KY: variants seen among roughly 807,000 people sequenced by gnomAD.
The protein encoded by KY is kyphoscoliosis peptidase.
A neutral mutation model predicts 76.1 loss-of-function variants in KY; 43 were observed. The observed-to-expected ratio is 0.57, with a 90% CI of 0.44 to 0.73. The LOEUF (loss-of-function observed/expected upper bound fraction) is 0.73. KY is among the 30% of genes least tolerant of loss of function. The pLI, the probability that KY is intolerant of heterozygous loss-of-function variation, is 0.00. For synonymous variants in KY, 277 were observed against 326.2 expected, an observed-to-expected ratio of 0.85 and a Z score of 1.63; for missense variants, 722 against 828.9, an observed-to-expected ratio of 0.87 and a Z score of 1.58.
chr3:134,604,806 G>T (rs779733590), intron 10 of KY, among the ~76,000 whole-genome samples: 1 of 152,164 alleles, frequency 6.6e-6, no homozygotes, highest in African/African-American at 2.4e-5. Flanking sequence ...ATTAGATGAA[G>T]GTTGCCTGTG....
At chr3:134,630,592 T>C in intron 3 of KY, among the ~76,000 whole-genome samples, 1 of 152,206 alleles carries the variant, frequency 6.6e-6, no homozygotes, top group East Asian at 1.9e-4. Flanking sequence ...ACCTCTGAAC[T>C]GTGCATGCAT....
chr3:134,614,922 G>A (rs1237678460), intron 8 of KY, among the ~76,000 whole-genome samples: 1 of 152,122 alleles, frequency 6.6e-6, no homozygotes, highest in Non-Finnish European at 1.5e-5. Context: ...TGAGCCAAGT[G>A]AGGGAAAAAG....
In KY at chr3:134,608,787, A is replaced by G; in HGVS notation, c.952T>C (p.Phe318Leu). 6.2e-7 allele frequency: 1 copy of G among 1,613,986 alleles called. No homozygotes were observed. Among genetic ancestry groups the G allele is most frequent in the Non-Finnish European group, 8.5e-7 (1 of 1,179,876 alleles). The change falls in exon 10 of 11, where the codon TTC (phenylalanine) becomes CTC (leucine). Residue 318 changes from phenylalanine to leucine, a missense_variant. By Grantham distance (22) the Phe-to-Leu change is conservative. This residue lies in a region of KY where 552 missense variants were observed against 680.9 expected (regional missense o/e 0.81). Coordinates refer to ENST00000423778, the MANE Select transcript of KY (RefSeq NM_178554.6). ...AGCTGCCAGTTCTTGTTGTCTGGGA[A>G]GTGGTCCTCGATGAACAGTGCAGGG... Reference protein sequence around the residue: ...THPALFIEDHFPDNKNWQLLK... With the variant: ...THPALFIEDHLPDNKNWQLLK...
chr3:134,640,252 C>G (rs993024270), intron 3 of KY, among the ~76,000 whole-genome samples: 1 of 152,098 alleles, frequency 6.6e-6, no homozygotes, highest in East Asian at 1.9e-4. Flanking sequence ...AAATCAACAC[C>G]ACCAGATTGG....
Position 134,629,698 on chromosome 3 carries a change from A to G in KY, c.263-3T>C, listed in dbSNP as rs777981227. 1.5e-5 allele frequency: 24 copies of G among 1,582,496 alleles called. No individual in the cohort carries two copies. The African/African-American group carries it at 2.8e-4, about 19-fold the overall frequency. ...GACTTCCACAGTCAGTTGTGTCCCT[A>G]CAAAGGAAAAGGAGATGACATTCTC... On this transcript the variant is annotated splice_polypyrimidine_tract_variant and splice_region_variant and intron_variant, in intron 3 of 10. Coordinates refer to ENST00000423778, the MANE Select transcript of KY (RefSeq NM_178554.6).
intron 10 of KY, chr3:134,606,911 C>T: frequency 4.1e-6 from 4 of 985,154 alleles, no homozygotes; most frequent in Non-Finnish European, 4.8e-6. Context: ...CCCTTCCTTT[C>T]TGCTCATCTC....
At chr3:134,624,364 A>G (rs1963130123) in intron 6 of KY, among the ~76,000 whole-genome samples, 1 of 152,084 alleles carries the variant, frequency 6.6e-6, no homozygotes, top group South Asian at 2.1e-4. Context: ...TGATCCATGC[A>G]CTCACCATCC....
chr3:134,632,181 C>A (rs116509654), intron 3 of KY, among the ~76,000 whole-genome samples: 1 of 151,992 alleles, frequency 6.6e-6, no homozygotes, highest in African/African-American at 2.4e-5. Flanking sequence ...GAGATTTTAA[C>A]ACTAATCTTT....
intron 3 of KY, among the ~76,000 whole-genome samples, 166 bp downstream of exon 3, chr3:134,643,150 T>G (rs536328039): frequency 1.3e-4 from 19 of 151,598 alleles, no homozygotes; most frequent in Non-Finnish European, 2.5e-4. Flanking sequence ...TCTTGCTGCT[T>G]CCCATGAGAC....
Position 134,619,144 on chromosome 3 carries a change from G to A in KY, c.710+4C>T, listed in dbSNP as rs202115421. 147 of 1,611,154 alleles carry A rather than the reference G, an allele frequency of 9.1e-5. 1 individual carries two copies. Among genetic ancestry groups the A allele is most frequent in the South Asian group, 2.2e-4 (20 of 91,006 alleles). ...GTCAGCATGGGGACTCCTGTCTCTC[G>A]TACCTGCACATTCTCTCGAAGAGGC... On this transcript the variant is annotated splice_donor_region_variant and intron_variant, in intron 8 of 10. Coordinates refer to ENST00000423778, the MANE Select transcript of KY (RefSeq NM_178554.6).
chr3:134,648,360 AG>A (rs1966690025), intron 1 of KY, among the ~76,000 whole-genome samples: 1 of 152,134 alleles, frequency 6.6e-6, no homozygotes. Context: ...AGCCCCCCAT[AG>A]CCAGTGCCAG....
At chr3:134,610,083 C>T (rs1031658521) in intron 9 of KY, 112 bp downstream of exon 9, 12 of 1,196,490 alleles carry the variant, frequency 1.0e-5, no homozygotes, top group Non-Finnish European at 1.3e-5. Context: ...ATGGGGCCTC[C>T]TGGCTCTCCT....
At chr3:134,605,878 C>A (rs1017586457) in intron 10 of KY, among the ~76,000 whole-genome samples, 4 of 152,198 alleles carry the variant, frequency 2.6e-5, no homozygotes, top group African/African-American at 9.6e-5. Context: ...ACTCTCTGAG[C>A]ACTGCTTAAC....
chr3:134,610,738 A>G (rs561942764), intron 8 of KY: 11 of 196,454 alleles, frequency 5.6e-5, no homozygotes, highest in African/African-American at 2.1e-4. Context: ...GGCAAGCGTG[A>G]GGCTGGCTTC....
chr3:134,607,861 A>C (rs1959515715), intron 10 of KY: 6 of 989,146 alleles, frequency 6.1e-6, no homozygotes, highest in Middle Eastern at 5.2e-4. Context: ...AGGGAGGGGT[A>C]CTGAGCCAGC....
intron 3 of KY, among the ~76,000 whole-genome samples, chr3:134,639,473 A>T (rs1310031942): frequency 6.6e-6 from 1 of 152,220 alleles, no homozygotes; most frequent in Non-Finnish European, 1.5e-5. Flanking sequence ...CGGAAAACAA[A>T]GGACCATTCA....
intron 8 of KY, among the ~76,000 whole-genome samples, chr3:134,611,945 C>T (rs1960546625): frequency 1.3e-5 from 2 of 152,250 alleles, no homozygotes; most frequent in African/African-American, 4.8e-5. Context: ...TAATACATAT[C>T]ACTTGCTGAG....
rs548918852 is a variant in KY, at chr3:134,627,937, C to T, written c.338-119G>A. The stretch of plus-strand genomic sequence containing the variant: ...CCCCTCCTCTTTACTCTCCTTTTCA[C>T]AGTCTCCTTGTTCCCACCCCACTGA... On this transcript the variant is annotated intron_variant, in intron 4 of 10. Coordinates refer to ENST00000423778, the MANE Select transcript of KY (RefSeq NM_178554.6). 9.1e-6 allele frequency: 7 copies of T among 768,706 alleles called. No homozygotes were observed. In the South Asian group the frequency reaches 1.1e-4, roughly 12 times the overall value. 47.6% of individuals were successfully genotyped at this position (768,706 alleles called of 1,614,324 possible).
intron 3 of KY, among the ~76,000 whole-genome samples, chr3:134,641,862 CT>C (rs1965805003): frequency 6.6e-6 from 1 of 152,158 alleles, no homozygotes; most frequent in Non-Finnish European, 1.5e-5. Flanking sequence ...GGACAGGGGC[CT>C]TTGTCTGTCT....
Sources: allele counts gnomAD v4.1 joint callset (sites outside exome capture counted in the v4.1 genomes callset), GRCh38; gene constraint gnomAD v4.1.1; regional missense constraint gnomAD v4.1.1; transcripts MANE v1.5; gene names NCBI Gene and HGNC (gene_info 2026-07-23, HGNC 2026-07-21).